The following DOCK4 variants were observed in gnomAD, a reference collection of about 807,000 sequenced individuals.
DOCK4 encodes dedicator of cytokinesis 4.
Under a neutral mutation model 268.1 loss-of-function variants are expected in DOCK4, and 97 were observed. The ratio of observed to expected loss-of-function variants is 0.36; its 90% confidence interval spans 0.31 to 0.43. The LOEUF is 0.43. Among genes scored for constraint, DOCK4 ranks in the 20% least tolerant of loss-of-function variants. The pLI, the probability that DOCK4 is intolerant of heterozygous loss-of-function variation, is 1.00. For synonymous variants in DOCK4, 954 were observed against 887.2 expected, an observed-to-expected ratio of 1.08 and a Z score of -1.34; for missense variants, 2,145 against 2,455.7, an observed-to-expected ratio of 0.87 and a Z score of 2.67.
In DOCK4 at chr7:111,762,911, C is replaced by T. The variant is rs151182558; in HGVS notation, c.4020+2207G>A. The stretch of plus-strand genomic sequence containing the variant: ...CCTCCTAAGAAACTGGAACCACAGG[C>T]GCACGCCACCGAACCTGGCAATTTT... On this transcript the variant is annotated intron_variant, in intron 39 of 52. Transcript: ENST00000428084. 6.1e-4 allele frequency among the ~76,000 whole-genome samples: 92 copies of T among 151,178 alleles called. 1 individual carries two copies. The highest frequency in any genetic ancestry group is 2.0e-3 in the African/African-American group (82 of 41,280).
At chr7:111,952,812 A>T (rs17159044) in intron 8 of DOCK4, among the ~76,000 whole-genome samples, 11,258 of 152,308 alleles carry the variant, frequency 0.074, 456 homozygotes, top group Middle Eastern at 0.17. Context: ...GTCATGTTCT[A>T]TTAAACTAAT....
chr7:111,756,691 T>C (rs907094219), intron 41 of DOCK4, among the ~76,000 whole-genome samples: 4 of 151,936 alleles, frequency 2.6e-5, no homozygotes, highest in Non-Finnish European at 5.9e-5. Context: ...TTAAACCAAG[T>C]GTATTCCCAA....
intron 10 of DOCK4, 133 bp downstream of exon 10, chr7:111,944,678 T>C: frequency 1.2e-6 from 1 of 864,422 alleles, no homozygotes; most frequent in African/African-American, 1.7e-5. Context: ...ACAACTTCTG[T>C]GATTCTTGGA....
intron 19 of DOCK4, 67 bp from the exon 20 acceptor site, chr7:111,872,157 C>A: frequency 7.1e-7 from 1 of 1,409,646 alleles, no homozygotes; most frequent in Non-Finnish European, 9.5e-7. Flanking sequence ...TTTTTTGCTT[C>A]TTTTTAAAAT....
In DOCK4 at chr7:111,739,647, T is replaced by C. The variant is rs962567664; in HGVS notation, c.5041-170A>G. On this transcript the variant is annotated intron_variant, in intron 47 of 52. Transcript: ENST00000428084. ...TGACAAAGAAGTCTGCATGAATTAA[T>C]GAAAAGTCTGAGATTTTGACTCCTG... 2.9e-5 allele frequency: 18 copies of C among 622,458 alleles called. No homozygotes were observed. The Middle Eastern group carries it at 1.2e-3, about 42-fold the overall frequency. The allele number at this position is 622,458 out of a possible 1,614,324, so 38.6% of individuals were successfully genotyped here.
chr7:112,183,275 G>C (rs1406547749), intron 1 of DOCK4, among the ~76,000 whole-genome samples: 5 of 151,316 alleles, frequency 3.3e-5, no homozygotes, highest in Non-Finnish European at 7.4e-5. Context: ...TTTGGGAATA[G>C]GAGGGGGAGA....
chr7:111,842,862 T>C (rs1803804160), intron 25 of DOCK4, among the ~76,000 whole-genome samples: 1 of 152,170 alleles, frequency 6.6e-6, no homozygotes. Context: ...GGAAACCAAG[T>C]GGCGAACCTG....
chr7:111,823,610 T>C (rs1802177079), intron 26 of DOCK4, among the ~76,000 whole-genome samples: 1 of 152,008 alleles, frequency 6.6e-6, no homozygotes, highest in Non-Finnish European at 1.5e-5. Context: ...ACACAATGAA[T>C]GAAATGAGCT....
chr7:112,122,956 C>A (rs1812875885), intron 1 of DOCK4, among the ~76,000 whole-genome samples: 1 of 152,124 alleles, frequency 6.6e-6, no homozygotes, highest in South Asian at 2.1e-4. Flanking sequence ...TGAAGGTCTG[C>A]TGAAAAATTA....
chr7:112,060,324 T>C (rs1346249273), intron 1 of DOCK4, among the ~76,000 whole-genome samples: 3 of 152,160 alleles, frequency 2.0e-5, no homozygotes, highest in African/African-American at 7.2e-5. Flanking sequence ...AACTAACAAA[T>C]GTTGGTGAGG....
chr7:111,945,708 T>C lies in DOCK4; in HGVS notation c.783+9A>G. 1.0e-5 allele frequency: 16 copies of C among 1,586,994 alleles called. No homozygotes were observed. The highest frequency in any genetic ancestry group is 2.3e-5 in the East Asian group (1 of 44,018). On this transcript the variant is annotated intron_variant, in intron 9 of 52. Coordinates refer to ENST00000428084, the MANE Select transcript of DOCK4 (RefSeq NM_001363540.2). ...AATCTGCCTTATGAATGAAACAAGA[T>C]CCACTCACCACAAAGAGGGAGCAAT...
intron 30 of DOCK4, among the ~76,000 whole-genome samples, chr7:111,791,070 T>TA (rs1554593887): frequency 0.014 from 1,287 of 95,224 alleles, 52 homozygotes; most frequent in African/African-American, 0.064. Context: ...AAAAAAAAAA[T>TA]TATATATATA....
At chr7:111,948,007 C>T (rs1018370052) in intron 8 of DOCK4, among the ~76,000 whole-genome samples, 1 of 151,984 alleles carries the variant, frequency 6.6e-6, no homozygotes. Context: ...GGATTACAGG[C>T]GTGGGCTACC....
chr7:111,791,376 G>A (rs1409045373), intron 30 of DOCK4, among the ~76,000 whole-genome samples: 1 of 150,568 alleles, frequency 6.6e-6, no homozygotes, highest in African/African-American at 2.5e-5. Context: ...TGAGATTACG[G>A]GTGATTTTTT....
intron 8 of DOCK4, among the ~76,000 whole-genome samples, chr7:111,962,176 T>C (rs1796956008): frequency 6.6e-6 from 1 of 152,216 alleles, no homozygotes; most frequent in Non-Finnish European, 1.5e-5. Context: ...TCTCTCTAAA[T>C]ATTACATAAC....
intron 1 of DOCK4, among the ~76,000 whole-genome samples, chr7:112,007,302 T>C (rs1282144935): frequency 6.6e-6 from 1 of 152,024 alleles, no homozygotes; most frequent in Admixed American, 6.6e-5. Flanking sequence ...AGTATAAGAA[T>C]GGAGTACAAA....
chr7:112,040,502 G>A (rs1804255860), intron 1 of DOCK4, among the ~76,000 whole-genome samples: 1 of 152,138 alleles, frequency 6.6e-6, no homozygotes, highest in Admixed American at 6.6e-5. Context: ...TAGTTGTGGA[G>A]GCACAGTGAA....
chr7:111,816,658 G>A (rs1289889106), intron 27 of DOCK4, among the ~76,000 whole-genome samples: 3 of 152,150 alleles, frequency 2.0e-5, no homozygotes, highest in Admixed American at 6.5e-5. Context: ...CTGGGAATCT[G>A]GCCTTTTTTA....
At chr7:112,031,070 A>G (rs1803231623) in intron 1 of DOCK4, among the ~76,000 whole-genome samples, 1 of 152,236 alleles carries the variant, frequency 6.6e-6, no homozygotes. Flanking sequence ...AACAGCAGGA[A>G]GATTATACAA....
Sources: allele counts gnomAD v4.1 joint callset (sites outside exome capture counted in the v4.1 genomes callset), GRCh38; gene constraint gnomAD v4.1.1; transcripts MANE v1.5; gene names NCBI Gene and HGNC (gene_info 2026-07-23, HGNC 2026-07-21).